BMPR1A: variants seen among roughly 807,000 people sequenced by gnomAD.
The protein encoded by BMPR1A is bone morphogenetic protein receptor type-1A.
In BMPR1A, 7 loss-of-function variants were observed where a neutral mutation model predicts 66.0. That is an observed-to-expected ratio of 0.11 (90% CI 0.06 to 0.20). The LOEUF is 0.20. Ranked by LOEUF, BMPR1A falls within the 10% of genes least tolerant of loss-of-function variation. The pLI is 1.00. For synonymous variants in BMPR1A, 200 were observed against 229.7 expected (o/e 0.87, Z 1.17); for missense variants, 408 against 669.1 (o/e 0.61, Z 4.31).
intron 1 of BMPR1A, among the ~76,000 whole-genome samples, chr10:86,811,870 A>C (rs1841976149): frequency 6.6e-6 from 1 of 152,180 alleles, no homozygotes; most frequent in Admixed American, 6.5e-5. Flanking sequence ...GCTTGAGCCC[A>C]GGAATTGAAG....
At chr10:86,825,348 G>C (rs867695383) in intron 1 of BMPR1A, among the ~76,000 whole-genome samples, 3 of 152,030 alleles carry the variant, frequency 2.0e-5, no homozygotes, top group South Asian at 2.1e-4. Flanking sequence ...ATTATATATA[G>C]TATAATTGAA....
chr10:86,873,778 T>C (rs1228056967), intron 2 of BMPR1A, among the ~76,000 whole-genome samples: 1 of 152,246 alleles, frequency 6.6e-6, no homozygotes, highest in Non-Finnish European at 1.5e-5. Flanking sequence ...TTCAAAGAAA[T>C]GCTGTTAAAT....
chr10:86,857,306 C>T (rs531966269), intron 2 of BMPR1A, among the ~76,000 whole-genome samples: 1 of 152,156 alleles, frequency 6.6e-6, no homozygotes, highest in African/African-American at 2.4e-5. Flanking sequence ...CCATGAGGCT[C>T]GTGAGTAACA....
intron 1 of BMPR1A, among the ~76,000 whole-genome samples, chr10:86,767,991 T>G (rs1269349613): frequency 6.6e-6 from 1 of 152,202 alleles, no homozygotes; most frequent in Non-Finnish European, 1.5e-5. Flanking sequence ...CTTTTCTAGT[T>G]CCAGTTCCCC....
At chr10:86,759,370 A>T (rs956772689) in intron 1 of BMPR1A, among the ~76,000 whole-genome samples, 3 of 152,140 alleles carry the variant, frequency 2.0e-5, no homozygotes, top group African/African-American at 2.4e-5. Flanking sequence ...AATAATTCTC[A>T]ATTCTTTGTT....
chr10:86,782,864 G>A (rs1841458274), intron 1 of BMPR1A, among the ~76,000 whole-genome samples: 1 of 152,088 alleles, frequency 6.6e-6, no homozygotes, highest in African/African-American at 2.4e-5. Context: ...TTGCTGCACA[G>A]AAGTTTGTAA....
rs1016071198 is a variant in BMPR1A at position 86,877,107 on chromosome 10, C to T, written c.67+1022C>T. On this transcript the variant is annotated intron_variant, in intron 3 of 12. Transcript: ENST00000372037. ...GTCTTCGTTCTCAAGTTTTTTACTTCACAGGTTGCTTTTTCCTAATGTTTT... is the reference window on the plus strand; with the variant it reads ...GTCTTCGTTCTCAAGTTTTTTACTTTACAGGTTGCTTTTTCCTAATGTTTT... Among the ~76,000 whole-genome samples the T allele has an allele frequency of 2.6e-4, 39 of 152,206 alleles. 1 individual carries two copies. Among genetic ancestry groups the T allele is most frequent in the African/African-American group, 7.9e-4 (33 of 41,544 alleles).
intron 3 of BMPR1A, among the ~76,000 whole-genome samples, chr10:86,885,254 T>C (rs747711652): frequency 1.3e-5 from 2 of 152,262 alleles, no homozygotes; most frequent in Admixed American, 6.5e-5. Context: ...GAATATTTAA[T>C]GACACATGAA....
chr10:86,797,253 C>T (rs1158266940), intron 1 of BMPR1A, among the ~76,000 whole-genome samples: 1 of 69,550 alleles, frequency 1.4e-5, no homozygotes, highest in African/African-American at 3.9e-5. Flanking sequence ...TTTTTTGAGA[C>T]GGAGTCTTGC....
chr10:86,826,411 AACACACACACAC>A (rs34389289), intron 1 of BMPR1A, among the ~76,000 whole-genome samples: 26 of 146,998 alleles, frequency 1.8e-4, no homozygotes, highest in African/African-American at 5.8e-4. Context: ...CAATCAAGGA[AACACACACACAC>A]ACACACACAC....
intron 2 of BMPR1A, among the ~76,000 whole-genome samples, chr10:86,858,955 C>G (rs1842679391): frequency 6.6e-6 from 1 of 152,118 alleles, no homozygotes; most frequent in Non-Finnish European, 1.5e-5. Flanking sequence ...TAAAGGACTG[C>G]AAATGCCAAA....
intron 1 of BMPR1A, among the ~76,000 whole-genome samples, chr10:86,779,915 G>A (rs1841409780): frequency 1.3e-5 from 2 of 151,960 alleles, no homozygotes; most frequent in African/African-American, 2.4e-5. Flanking sequence ...CTTTGTTTTT[G>A]TTTTGTGAAA....
intron 3 of BMPR1A, 28 bp downstream of exon 3, chr10:86,876,113 A>T: frequency 6.4e-7 from 1 of 1,570,546 alleles, no homozygotes; most frequent in Non-Finnish European, 8.8e-7. Context: ...TTAGTAATGT[A>T]TGTGTGTATA....
chr10:86,786,333 G>T (rs1841517618), intron 1 of BMPR1A, among the ~76,000 whole-genome samples: 1 of 151,360 alleles, frequency 6.6e-6, no homozygotes, highest in Admixed American at 6.6e-5. Context: ...TTCCCTAAAA[G>T]AAGTATCTGC....
chr10:86,768,934 C>T (rs948708650), intron 1 of BMPR1A, among the ~76,000 whole-genome samples: 5 of 152,108 alleles, frequency 3.3e-5, no homozygotes, highest in African/African-American at 1.2e-4. Context: ...ACTGTGCTTG[C>T]CACTGTAGTA....
At chr10:86,766,991 T>G (rs1002528791) in intron 1 of BMPR1A, among the ~76,000 whole-genome samples, 1 of 152,120 alleles carries the variant, frequency 6.6e-6, no homozygotes, top group Non-Finnish European at 1.5e-5. Flanking sequence ...GTCCAGCTAA[T>G]TTTTGTATTT....
At chr10:86,862,608 T>C (rs1331200438) in intron 2 of BMPR1A, among the ~76,000 whole-genome samples, 3 of 152,078 alleles carry the variant, frequency 2.0e-5, no homozygotes, top group Admixed American at 1.3e-4. Context: ...GCAAAGGGGT[T>C]AGTGGCTTGG....
intron 1 of BMPR1A, among the ~76,000 whole-genome samples, chr10:86,823,448 TCTA>T (rs1276888457): frequency 6.6e-6 from 1 of 152,216 alleles, no homozygotes; most frequent in African/African-American, 2.4e-5. Flanking sequence ...GAGCCAGGAT[TCTA>T]ACCTTGGTAT....
intron 1 of BMPR1A, among the ~76,000 whole-genome samples, chr10:86,779,753 A>G (rs779654086): frequency 1.1e-4 from 16 of 151,966 alleles, no homozygotes; most frequent in African/African-American, 3.4e-4. Flanking sequence ...ATGTGTGCCA[A>G]TGGGCCCAGC....
Sources: allele counts gnomAD v4.1 joint callset (sites outside exome capture counted in the v4.1 genomes callset), GRCh38; gene constraint gnomAD v4.1.1; transcripts MANE v1.5; gene names NCBI Gene and HGNC (gene_info 2026-07-23, HGNC 2026-07-21).